The following SLC9A7 variants were observed in gnomAD, a reference collection of about 807,000 sequenced individuals.
The protein encoded by SLC9A7 is solute carrier family 9 member A7, also known as sodium/hydrogen exchanger 7.
Under a neutral mutation model 52.6 loss-of-function variants are expected in SLC9A7, and 19 were observed. That is an observed-to-expected ratio of 0.36 (90% CI 0.25 to 0.53). SLC9A7 has a LOEUF of 0.53. Among genes scored for constraint, SLC9A7 ranks in the 20% least tolerant of loss-of-function variants. The pLI is 0.91. For missense variants in SLC9A7, 455 were observed against 597.9 expected (o/e 0.76, Z 2.49); for synonymous variants, 226 against 252.1 (o/e 0.90, Z 0.98).
chrX:46,724,489 T>C (rs758289227), intron 1 of SLC9A7, among the ~76,000 whole-genome samples: 8 of 112,466 alleles, frequency 7.1e-5, no homozygotes, highest in African/African-American at 2.3e-4. Flanking sequence ...GTGATATCAT[T>C]AAAATTATAT....
intron 5 of SLC9A7, among the ~76,000 whole-genome samples, chrX:46,666,094 A>T (rs1943916329): frequency 9.0e-6 from 1 of 111,015 alleles, no homozygotes; most frequent in South Asian, 3.8e-4. Context: ...TCTGTATCCT[A>T]ACACTATAAA....
chrX:46,723,298 C>CAAAAAAAAAAAAAAAAAAAAAAA (rs764219707), intron 1 of SLC9A7, among the ~76,000 whole-genome samples: 3 of 18,677 alleles, frequency 1.6e-4, no homozygotes, highest in Non-Finnish European at 2.1e-4. Context: ...AAGATTTCTA[C>CAAAAAAAAAAAAAAAAAAAAAAA]AAAAAAAAAA....
chrX:46,651,061 A>G (rs751957530), intron 10 of SLC9A7, 49 bp downstream of exon 10: 1 of 746,907 alleles, frequency 1.3e-6, no homozygotes, highest in Admixed American at 2.5e-5. Flanking sequence ...AGCTTCTCCA[A>G]CAGTGGTCGT....
At chrX:46,698,316 T>G (rs1363852764) in intron 1 of SLC9A7, among the ~76,000 whole-genome samples, 1 of 111,519 alleles carries the variant, frequency 9.0e-6, no homozygotes, top group Admixed American at 9.6e-5. Context: ...CGACACGTGA[T>G]GTCTCCCCCG....
intron 14 of SLC9A7, among the ~76,000 whole-genome samples, chrX:46,628,381 T>TGA (rs1449952301): frequency 1.8e-5 from 2 of 112,536 alleles, no homozygotes; most frequent in Admixed American, 1.9e-4. Flanking sequence ...AACAAAGCAC[T>TGA]GAGTTTTGTT....
chrX:46,635,790 A>C, intron 12 of SLC9A7, 142 bp from the exon 13 acceptor site: 2 of 442,648 alleles, frequency 4.5e-6, no homozygotes, highest in Non-Finnish European at 7.7e-6. Flanking sequence ...AACTGTCCCC[A>C]TCCTCTAAAA....
chrX:46,696,701 T>C (rs960749357), intron 1 of SLC9A7, among the ~76,000 whole-genome samples: 30 of 110,762 alleles, frequency 2.7e-4, no homozygotes, highest in Non-Finnish European at 5.7e-4. Context: ...TGTCATGGAG[T>C]TTACAATCTG....
chrX:46,654,982 C>CTTTTTTTTTTTTTTTTTTTTTTTTT (rs60881484), intron 7 of SLC9A7, among the ~76,000 whole-genome samples: 4 of 83,621 alleles, frequency 4.8e-5, no homozygotes, highest in Admixed American at 2.6e-4. Context: ...TTCTTTCTTT[C>CTTTTTTTTTTTTTTTTTTTTTTTTT]TTTTTTTTTT....
chrX:46,687,923 G>A (rs1944321211), intron 1 of SLC9A7, among the ~76,000 whole-genome samples: 1 of 111,692 alleles, frequency 9.0e-6, no homozygotes. Flanking sequence ...AATATAAATG[G>A]TGTCATACAA....
chrX:46,636,743 G>T (rs1156678795), intron 12 of SLC9A7, among the ~76,000 whole-genome samples: 1 of 111,513 alleles, frequency 9.0e-6, no homozygotes, highest in African/African-American at 3.3e-5. Flanking sequence ...AATTTCACTG[G>T]GGGAGGTAAC....
chrX:46,758,954 G>A lies in SLC9A7; in HGVS notation c.76C>T (p.Pro26Ser). 1 of 1,057,776 alleles carries A rather than the reference G, an allele frequency of 9.5e-7. No homozygotes were observed. Among genetic ancestry groups the A allele is most frequent in the Non-Finnish European group, 1.2e-6 (1 of 824,324 alleles). The allele number at this position is 1,057,776 out of a possible 1,213,427, so 87.2% of individuals were successfully genotyped here. Residue 26 changes from proline to serine, a missense_variant, in exon 1 of 17, where the codon CCG becomes TCG. Physicochemically the swap from Pro to Ser is moderately conservative, Grantham distance 74 (BLOSUM62 -1). Transcript: ENST00000616978. Reference protein sequence around the residue: ...GAPPPRLLLLPLLLGWGLRVA... With the variant: ...GAPPPRLLLLSLLLGWGLRVA... ...CGCAGCCCCCAACCCAGCAGCAGCG[G>A]CAGCAGCAGCAGCCGCGGCGGCGGC...
At chrX:46,644,056 A>G (rs937289829) in intron 11 of SLC9A7, among the ~76,000 whole-genome samples, 1 of 112,545 alleles carries the variant, frequency 8.9e-6, no homozygotes, top group Non-Finnish European at 1.9e-5. Flanking sequence ...AATAATGAAA[A>G]GAGGGAAATT....
intron 1 of SLC9A7, among the ~76,000 whole-genome samples, chrX:46,692,648 T>C (rs1944396604): frequency 8.9e-6 from 1 of 111,813 alleles, no homozygotes; most frequent in Non-Finnish European, 1.9e-5. Context: ...GTCTCTCCTG[T>C]AACTTCTCAT....
intron 1 of SLC9A7, among the ~76,000 whole-genome samples, chrX:46,736,270 A>G (rs1386045691): frequency 3.6e-5 from 4 of 111,783 alleles, no homozygotes; most frequent in Non-Finnish European, 5.6e-5. Flanking sequence ...TTTTGTTTCT[A>G]GCATTTGAAT....
At chrX:46,695,880 T>C (rs1944441948) in intron 1 of SLC9A7, among the ~76,000 whole-genome samples, 1 of 111,903 alleles carries the variant, frequency 8.9e-6, no homozygotes, top group South Asian at 3.7e-4. Flanking sequence ...CAATGAAATA[T>C]ATAACAAGAG....
chrX:46,750,506 T>C (rs1602308505), intron 1 of SLC9A7, among the ~76,000 whole-genome samples: 1 of 111,228 alleles, frequency 9.0e-6, no homozygotes, highest in Admixed American at 9.5e-5. Context: ...CATGCCACCA[T>C]GCCCAGCTAA....
chrX:46,679,711 T>C lies in SLC9A7; in HGVS notation c.570A>G (p.Pro190=), dbSNP rs984139561. ...AGCTGTATCCAGCATGAAAAATAAT[T>C]GGAGGCAGAAGAATGTTGAAAAATA... ...PEVFFNILLP[P]IIFHAGYSLK... The change falls in exon 3 of 17, where the codon CCA becomes CCG. Residue 190 remains proline, a synonymous_variant. Coordinates refer to ENST00000616978, the MANE Select transcript of SLC9A7 (RefSeq NM_001257291.2). The C allele has an allele frequency of 5.0e-6, 6 of 1,200,417 alleles. No individual in the cohort carries two copies. Among genetic ancestry groups the C allele is most frequent in the Non-Finnish European group, 6.7e-6 (6 of 889,626 alleles).
rs1942760918 is a variant in SLC9A7 at position 46,607,127 on chromosome X, C to A, written c.2006G>T (p.Ser669Ile). Reference protein sequence around the residue: ...EGDLTLTYGDSTVTANGSSSS... With the variant: ...EGDLTLTYGDITVTANGSSSS... ...TGAGGAGCCATTTGCAGTCACTGTGCTGTCCCCGTAGGTCAATGTCAGGTC... is the reference window on the plus strand; with the variant it reads ...TGAGGAGCCATTTGCAGTCACTGTGATGTCCCCGTAGGTCAATGTCAGGTC... Residue 669 changes from serine (S) to isoleucine (I), a missense_variant, in exon 17 of 17, where the codon AGC becomes ATC. By Grantham distance (142) the Ser-to-Ile change is moderately radical (BLOSUM62 -2). This residue lies in a region of SLC9A7 where 146 missense variants were observed against 160.5 expected (regional missense o/e 0.91). Coordinates refer to ENST00000616978, the MANE Select transcript of SLC9A7 (RefSeq NM_001257291.2). The A allele has an allele frequency of 8.3e-7, 1 of 1,209,427 alleles. No homozygotes were observed. Among genetic ancestry groups the A allele is most frequent in the African/African-American group, 1.8e-5 (1 of 57,073 alleles).
intron 11 of SLC9A7, among the ~76,000 whole-genome samples, chrX:46,648,128 G>A (rs1232593544): frequency 8.9e-6 from 1 of 112,525 alleles, no homozygotes; most frequent in Non-Finnish European, 1.9e-5. Flanking sequence ...GGGAGACAGT[G>A]TCAATTAAGC....
Sources: gnomAD v4.1 joint callset for allele counts (sites outside exome capture counted in the v4.1 genomes callset) on GRCh38, gnomAD v4.1.1 for gene constraint, gnomAD v4.1.1 regional missense constraint, MANE v1.5 for transcripts, NCBI Gene and HGNC (gene_info 2026-07-23, HGNC 2026-07-21) for gene names.